Variants in AHI1 observed in about 807,000 individuals in gnomAD.
The protein encoded by AHI1 is Abelson helper integration site 1.
Under a neutral mutation model 149.3 loss-of-function variants are expected in AHI1, and 123 were observed. That is an observed-to-expected ratio of 0.82 (90% confidence interval 0.71 to 0.96). The LOEUF (loss-of-function observed/expected upper bound fraction) is 0.96. Ranked by LOEUF, AHI1 falls within the 40% of genes least tolerant of loss-of-function variation. The pLI, the probability that AHI1 is intolerant of heterozygous loss-of-function variation, is 0.00. For synonymous variants in AHI1, 475 were observed against 459.8 expected (o/e 1.03, Z -0.42); for missense variants, 1,439 against 1,422.7 (o/e 1.01, Z -0.18).
At chr6:135,366,682 C>T (rs983864950) in intron 23 of AHI1, among the ~76,000 whole-genome samples, 3 of 152,114 alleles carry the variant, frequency 2.0e-5, no homozygotes, top group Non-Finnish European at 4.4e-5. Context: ...CTCTTCTTTT[C>T]TTGGTTAATC....
intron 23 of AHI1, among the ~76,000 whole-genome samples, chr6:135,375,051 T>G (rs981938694): frequency 1.3e-4 from 20 of 152,330 alleles, no homozygotes; most frequent in African/African-American, 4.8e-4. Flanking sequence ...GTTTGGTAGG[T>G]TTGGATGCTT....
chr6:135,436,709 C>T (rs1180516879), intron 15 of AHI1, among the ~76,000 whole-genome samples: 4 of 152,196 alleles, frequency 2.6e-5, no homozygotes, highest in Non-Finnish European at 5.9e-5. Context: ...TCAAGTGATT[C>T]TCTTGCCTCA....
intron 23 of AHI1, 52 bp from the exon 24 acceptor site, chr6:135,358,239 T>C: frequency 3.4e-6 from 5 of 1,461,400 alleles, no homozygotes; most frequent in South Asian, 2.4e-5. Flanking sequence ...GTCCATTTTA[T>C]GTTGAAAATA....
Position 135,290,431 on chromosome 6 carries a change from G to A in AHI1, c.3580C>T (p.Leu1194=). ...ATTGGTTTTCCCCTTACCTCTATTA[G>A]AGTGACTTTTCTGCCTGCTTGCTTG... ...KNKQAGRKVT[L]IE The change falls in exon 28 of 29, where the codon CTA becomes TTA. Residue 1194 remains leucine, a synonymous_variant. Transcript: ENST00000265602. 6.4e-7 allele frequency: 1 copy of A among 1,566,904 alleles called. No homozygotes were observed.
At chr6:135,331,327 GTTC>G (rs1326720707) in intron 24 of AHI1, among the ~76,000 whole-genome samples, 2 of 152,156 alleles carry the variant, frequency 1.3e-5, no homozygotes, top group African/African-American at 4.8e-5. Context: ...TTGAAATAGA[GTTC>G]TTCTTTTTCT....
intron 27 of AHI1, among the ~76,000 whole-genome samples, chr6:135,294,536 C>G (rs770705807): frequency 1.3e-5 from 2 of 150,784 alleles, no homozygotes; most frequent in Non-Finnish European, 3.0e-5. Flanking sequence ...AAACAACCCT[C>G]CCCCCAAAAA....
At chr6:135,432,963 A>G in intron 16 of AHI1, 64 bp downstream of exon 16, 1 of 1,224,936 alleles carries the variant, frequency 8.2e-7, no homozygotes, top group Non-Finnish European at 1.2e-6. Flanking sequence ...AGCCTAAATA[A>G]CTATTATTCT....
At chr6:135,422,619 TTATGTATG>T (rs71006761) in intron 20 of AHI1, among the ~76,000 whole-genome samples, 2,717 of 147,780 alleles carry the variant, frequency 0.018, 76 homozygotes, top group African/African-American at 0.058. Context: ...AGTTTTATTT[TTATGTATG>T]TATGTATGTA....
chr6:135,497,276 C>G, intron 1 of AHI1, 27 bp from the exon 2 acceptor site: 1 of 152,342 alleles, frequency 6.6e-6, no homozygotes, highest in Middle Eastern at 3.4e-3. Context: ...ACACTCAGTA[C>G]ACATCTGATT....
Position 135,463,126 on chromosome 6 carries a change from T to C in AHI1, c.930A>G (p.Ala310=), listed in dbSNP as rs1258296945. 11 of 1,569,468 alleles carry C rather than the reference T, an allele frequency of 7.0e-6. No homozygotes were observed. Among genetic ancestry groups the C allele is most frequent in the Non-Finnish European group, 9.5e-6 (11 of 1,159,592 alleles). The change falls in exon 8 of 29, where the codon GCA becomes GCG. Residue 310 remains alanine (A), a splice_region_variant and synonymous_variant. Coordinates refer to ENST00000265602, the MANE Select transcript of AHI1 (RefSeq NM_001134831.2). The part of the protein sequence containing the change: ...KPKKTKKKTK[A]VADNNEDVDG... ...TTTCATTTAATTTGTATAGCAAACC[T>C]GCTTTAGTCTTCTTTTTTGTTTTTT...
At chr6:135,485,466 C>A (rs1794338017) in intron 5 of AHI1, among the ~76,000 whole-genome samples, 1 of 152,104 alleles carries the variant, frequency 6.6e-6, no homozygotes, top group South Asian at 2.1e-4. Context: ...AAGAAATCAT[C>A]CACTGGAAAC....
At chr6:135,483,599 G>A (rs1260075197) in intron 5 of AHI1, among the ~76,000 whole-genome samples, 1 of 152,144 alleles carries the variant, frequency 6.6e-6, no homozygotes, top group Non-Finnish European at 1.5e-5. Context: ...TACAATTTGA[G>A]TGCTTACTCT....
chr6:135,354,971 C>G (rs1201761053), intron 24 of AHI1, among the ~76,000 whole-genome samples: 1 of 152,156 alleles, frequency 6.6e-6, no homozygotes. Flanking sequence ...GTCTGATGTC[C>G]AATGTCTCTT....
intron 14 of AHI1, among the ~76,000 whole-genome samples, chr6:135,441,072 T>C (rs913442507): frequency 2.6e-5 from 4 of 151,420 alleles, no homozygotes; most frequent in African/African-American, 7.3e-5. Context: ...GAAAACTATA[T>C]CTAAAGAATT....
At chr6:135,404,660 TA>T (rs1780501200) in intron 22 of AHI1, among the ~76,000 whole-genome samples, 1 of 152,230 alleles carries the variant, frequency 6.6e-6, no homozygotes, top group Non-Finnish European at 1.5e-5. Context: ...AAATATCATA[TA>T]AAATTTTTCT....
chr6:135,286,841 A>C (rs1452252380), intron 28 of AHI1, among the ~76,000 whole-genome samples: 2 of 152,220 alleles, frequency 1.3e-5, no homozygotes, highest in Non-Finnish European at 2.9e-5. Flanking sequence ...TGAGTATAAA[A>C]ATGGTACAGA....
chr6:135,396,007 T>TG (rs1325456351), intron 22 of AHI1, among the ~76,000 whole-genome samples: 1 of 151,814 alleles, frequency 6.6e-6, no homozygotes. Context: ...TGTAAATTTT[T>TG]TTTTCTATTT....
intron 14 of AHI1, among the ~76,000 whole-genome samples, chr6:135,439,068 A>G (rs764860930): frequency 3.4e-4 from 51 of 152,188 alleles, no homozygotes; most frequent in Non-Finnish European, 4.4e-4. Flanking sequence ...AGATAGTAAC[A>G]CGGAAAAACA....
intron 8 of AHI1, among the ~76,000 whole-genome samples, chr6:135,462,421 C>T (rs990738857): frequency 2.6e-5 from 4 of 151,946 alleles, no homozygotes; most frequent in Non-Finnish European, 5.9e-5. Flanking sequence ...GGGAGGATAC[C>T]ATGTTGGACA....
Sources: gnomAD v4.1 joint callset for allele counts (sites outside exome capture counted in the v4.1 genomes callset) on GRCh38, gnomAD v4.1.1 for gene constraint, MANE v1.5 for transcripts, NCBI Gene and HGNC (gene_info 2026-07-23, HGNC 2026-07-21) for gene names.